HS3ST4: variants seen among roughly 807,000 people sequenced by gnomAD.
HS3ST4 encodes the protein heparan sulfate-glucosamine 3-sulfotransferase 4, also known as heparan sulfate glucosamine 3-O-sulfotransferase 4.
In HS3ST4, 17 loss-of-function variants were observed where a neutral mutation model predicts 29.2. The observed-to-expected ratio is 0.58, with a 90% CI of 0.40 to 0.87. The LOEUF (loss-of-function observed/expected upper bound fraction) is 0.87, where lower values mean the gene tolerates loss of function less well. Ranked by LOEUF, HS3ST4 falls within the 40% of genes least tolerant of loss-of-function variation. The pLI is 0.00. For synonymous variants in HS3ST4, 314 were observed against 285.7 expected (o/e 1.10, Z -1.00); for missense variants, 627 against 634.5 (o/e 0.99, Z 0.13).
intron 1 of HS3ST4, among the ~76,000 whole-genome samples, chr16:26,086,412 C>A (rs576478616): frequency 6.6e-6 from 1 of 151,590 alleles, no homozygotes. Context: ...TGCAGTGGCA[C>A]GATCTCGGCT....
At chr16:26,035,577 A>G (rs916239529) in intron 1 of HS3ST4, among the ~76,000 whole-genome samples, 7 of 152,214 alleles carry the variant, frequency 4.6e-5, no homozygotes, top group Non-Finnish European at 8.8e-5. Flanking sequence ...TCTCCCATAT[A>G]TAATTAACCA....
intron 1 of HS3ST4, among the ~76,000 whole-genome samples, chr16:25,955,860 G>A (rs1968727198): frequency 6.7e-6 from 1 of 148,986 alleles, no homozygotes; most frequent in African/African-American, 2.5e-5. Flanking sequence ...TGTCTCCCAG[G>A]TTGGAGTGCA....
intron 1 of HS3ST4, among the ~76,000 whole-genome samples, chr16:25,721,988 G>C (rs1407371413): frequency 6.6e-6 from 1 of 152,154 alleles, no homozygotes; most frequent in Admixed American, 6.5e-5. Flanking sequence ...GCTCAACTGT[G>C]ACTGGATTTC....
At chr16:25,895,330 T>C (rs1009066832) in intron 1 of HS3ST4, among the ~76,000 whole-genome samples, 1 of 152,142 alleles carries the variant, frequency 6.6e-6, no homozygotes, top group Non-Finnish European at 1.5e-5. Context: ...GATCAGACAA[T>C]GTAGGTCTGG....
At chr16:25,804,708 A>G (rs1041443696) in intron 1 of HS3ST4, among the ~76,000 whole-genome samples, 16 of 151,986 alleles carry the variant, frequency 1.1e-4, no homozygotes, top group Non-Finnish European at 2.9e-5. Flanking sequence ...TGGATGTCAT[A>G]TACTAGCTTG....
At chr16:26,086,496 C>A (rs1210134507) in intron 1 of HS3ST4, among the ~76,000 whole-genome samples, 1 of 152,054 alleles carries the variant, frequency 6.6e-6, no homozygotes, top group Non-Finnish European at 1.5e-5. Context: ...ACTACAGTCG[C>A]CTGCCACCAT....
At position 26,137,387 on chromosome 16, in the gene HS3ST4, G is replaced by A. The variant is rs994482924; in HGVS notation, c.*1139G>A. 4.3e-4 allele frequency: 65 copies of A among 152,128 alleles called. No individual in the cohort carries two copies. Among genetic ancestry groups the A allele is most frequent in the African/African-American group, 1.5e-3 (62 of 41,424 alleles). 9.4% of individuals were successfully genotyped at this position (152,128 alleles called of 1,614,324 possible). The stretch of plus-strand genomic sequence containing the variant: ...AGATGGCAGAGAGTGAGGTAGTGGC[G>A]AGAAAGCTGACTCCATTCATCAGAT... On this transcript the variant is annotated 3_prime_UTR_variant, in exon 2 of 2. Coordinates refer to ENST00000331351, the MANE Select transcript of HS3ST4 (RefSeq NM_006040.3).
intron 1 of HS3ST4, among the ~76,000 whole-genome samples, chr16:26,022,680 C>T (rs1596647457): frequency 7.0e-6 from 1 of 142,686 alleles, no homozygotes. Context: ...AATTTTCTTC[C>T]TTTTTTTTTT....
chr16:25,997,867 G>A (rs1969170785), intron 1 of HS3ST4, among the ~76,000 whole-genome samples: 1 of 152,080 alleles, frequency 6.6e-6, no homozygotes, highest in South Asian at 2.1e-4. Context: ...ATAGGGATAG[G>A]CAAAAGAGCA....
At chr16:25,875,717 T>C (rs1967824156) in intron 1 of HS3ST4, among the ~76,000 whole-genome samples, 1 of 152,114 alleles carries the variant, frequency 6.6e-6, no homozygotes, top group Non-Finnish European at 1.5e-5. Flanking sequence ...GAATTTCCAG[T>C]AGCCCTAAGT....
intron 1 of HS3ST4, among the ~76,000 whole-genome samples, chr16:25,873,849 C>T (rs1247770434): frequency 1.3e-5 from 2 of 152,158 alleles, no homozygotes; most frequent in Non-Finnish European, 2.9e-5. Context: ...TCCTGCCCTA[C>T]ATCCAGCCTT....
chr16:25,948,659 C>T (rs1267716940), intron 1 of HS3ST4, among the ~76,000 whole-genome samples: 1 of 152,148 alleles, frequency 6.6e-6, no homozygotes, highest in Non-Finnish European at 1.5e-5. Flanking sequence ...AAACTCCAGG[C>T]ATTCCGTAAA....
At chr16:25,693,463 C>T (rs963752599) in intron 1 of HS3ST4, among the ~76,000 whole-genome samples, 1 of 152,218 alleles carries the variant, frequency 6.6e-6, no homozygotes, top group Non-Finnish European at 1.5e-5. Flanking sequence ...CTCCTGCCTG[C>T]TGGGTGTTTC....
chr16:25,939,864 A>G (rs550332210), intron 1 of HS3ST4, among the ~76,000 whole-genome samples: 1 of 152,310 alleles, frequency 6.6e-6, no homozygotes, highest in East Asian at 1.9e-4. Flanking sequence ...CCAAATGCAA[A>G]TATTTAACGT....
chr16:26,032,885 TG>T, intron 1 of HS3ST4: 1 of 1,344,080 alleles, frequency 7.4e-7, no homozygotes, highest in Non-Finnish European at 1.0e-6. Context: ...TTGGTCGGTC[TG>T]GGGGTCGTTC....
rs550807344 is a variant in HS3ST4 at position 26,006,772 on chromosome 16, A to T, written c.735-128840A>T. On this transcript the variant is annotated intron_variant, in intron 1 of 1. Coordinates refer to ENST00000331351, the MANE Select transcript of HS3ST4 (RefSeq NM_006040.3). ...AGAAGTTGCAAATCTTGTAAGCTCC[A>T]GAATAATGGCTGGTAATTATTTATA... Among the ~76,000 whole-genome samples, 45 of 152,254 alleles carry T rather than the reference A, an allele frequency of 3.0e-4. No homozygotes were observed. In the South Asian group the frequency reaches 9.1e-3, roughly 31 times the overall value.
At chr16:26,112,768 A>AG (rs1403697655) in intron 1 of HS3ST4, among the ~76,000 whole-genome samples, 2 of 152,190 alleles carry the variant, frequency 1.3e-5, no homozygotes, top group African/African-American at 2.4e-5. Flanking sequence ...CAAGAAACAT[A>AG]GGGAAAAATC....
At chr16:25,972,901 C>CTAT (rs1433389190) in intron 1 of HS3ST4, among the ~76,000 whole-genome samples, 1 of 152,126 alleles carries the variant, frequency 6.6e-6, no homozygotes, top group East Asian at 1.9e-4. Flanking sequence ...ACTCTATTAG[C>CTAT]TATTATTATT....
At chr16:25,707,965 A>C (rs553489750) in intron 1 of HS3ST4, among the ~76,000 whole-genome samples, 1 of 152,320 alleles carries the variant, frequency 6.6e-6, no homozygotes, top group African/African-American at 2.4e-5. Flanking sequence ...GCTGGTGAAC[A>C]GTGTCATCAT....
Sources: allele counts gnomAD v4.1 joint callset (sites outside exome capture counted in the v4.1 genomes callset), GRCh38; gene constraint gnomAD v4.1.1; transcripts MANE v1.5; gene names NCBI Gene and HGNC (gene_info 2026-07-23, HGNC 2026-07-21).